Variants in HRH2 observed in about 807,000 individuals in gnomAD.
HRH2 encodes histamine H2 receptor.
HRH2 carries 4 observed loss-of-function variants against 20.1 expected under a neutral mutation model. The ratio of observed to expected loss-of-function variants is 0.20; its 90% CI spans 0.10 to 0.45. HRH2 has a LOEUF of 0.45. HRH2 is among the 20% of genes least tolerant of loss of function. The pLI is 0.99. For synonymous variants in HRH2, 197 were observed against 200.7 expected (o/e 0.98, Z 0.16); for missense variants, 250 against 461.6 (o/e 0.54, Z 4.20).
In HRH2 at chr5:175,683,091, C is replaced by CAAA. The variant is rs35616765; in HGVS notation, c.-124_-122dup. 0.023 allele frequency: 13,371 copies of CAAA among 572,064 alleles called. 78 individuals are homozygous for CAAA. Among genetic ancestry groups the CAAA allele is most frequent in the African/African-American group, 0.1 (3,060 of 30,354 alleles). 35.4% of individuals were successfully genotyped at this position (572,064 alleles called of 1,614,324 possible). A position where few individuals can be genotyped will look rare whatever the true frequency, so the allele number is the denominator to read the frequency against. ...ATTGAAGCCTTCCCCACCCCCTGGC[C>CAAA]AAAAAAAAAAAAAAAAAAAAACTGG... is the stretch of plus-strand genomic sequence containing the variant. On this transcript the variant is annotated 5_prime_UTR_variant, in exon 2 of 3. Transcript: ENST00000636584.
chr5:175,683,844 G>A lies in HRH2; in HGVS notation c.611G>A (p.Arg204His), dbSNP rs766094225. The stretch of plus-strand genomic sequence containing the variant: ...CTGATCATGTGCATCACCTACTACC[G>A]CATCTTCAAGGTCGCCCGGGATCAG... ...PLLIMCITYY[R>H]IFKVARDQAK... The change falls in exon 2 of 3, where the codon CGC (arginine) becomes CAC (histidine). Residue 204 changes from arginine to histidine, a missense_variant. Transcript: ENST00000636584. 6 of 1,614,002 alleles carry A rather than the reference G, an allele frequency of 3.7e-6. No individual in the cohort carries two copies. Among genetic ancestry groups the A allele is most frequent in the East Asian group, 2.2e-5 (1 of 44,874 alleles).
At chr5:175,667,428 G>C (rs992966303) in intron 1 of HRH2, among the ~76,000 whole-genome samples, 2 of 151,514 alleles carry the variant, frequency 1.3e-5, no homozygotes, top group Non-Finnish European at 2.9e-5. Flanking sequence ...TGGGTGACAA[G>C]AGCAAAACTC....
intron 2 of HRH2, among the ~76,000 whole-genome samples, chr5:175,700,405 T>C (rs1756757929): frequency 6.6e-6 from 1 of 152,182 alleles, no homozygotes; most frequent in African/African-American, 2.4e-5. Flanking sequence ...ACAAGGTAGA[T>C]GATGAAAGAT....
chr5:175,704,520 C>A (rs1044748559), intron 2 of HRH2, among the ~76,000 whole-genome samples: 1 of 152,092 alleles, frequency 6.6e-6, no homozygotes, highest in Non-Finnish European at 1.5e-5. Flanking sequence ...TGAGGAAACA[C>A]TAACAAACCA....
At chr5:175,700,110 G>A (rs78223648) in intron 2 of HRH2, among the ~76,000 whole-genome samples, 2,423 of 152,226 alleles carry the variant, frequency 0.016, 67 homozygotes, top group African/African-American at 0.055. Context: ...TCCTGGTTCC[G>A]AATCTCACAC....
At chr5:175,673,127 G>A (rs1006870591) in intron 1 of HRH2, among the ~76,000 whole-genome samples, 14 of 152,152 alleles carry the variant, frequency 9.2e-5, no homozygotes, top group African/African-American at 1.4e-4. Flanking sequence ...TGATTCAAGC[G>A]CCAGCAGCAG....
In HRH2 at chr5:175,687,784, T is replaced by G. The variant is rs1230069354; in HGVS notation, c.1076+3475T>G. On this transcript the variant is annotated intron_variant, in intron 2 of 2. Transcript: ENST00000636584. This position sits in a 1 kb window ranked among gnomAD's most constrained non-coding sequence, Gnocchi z 5.2. ...CAGTGAGCTCCCTAAATTATGAATC[T>G]CAGTGTAGTGCCCCTGCTCAGGACC... Among the ~76,000 whole-genome samples the G allele has an allele frequency of 3.3e-5, 5 of 152,056 alleles. No homozygotes were observed. The highest frequency in any genetic ancestry group is 2.6e-4 in the Admixed American group (4 of 15,272).
At chr5:175,673,231 A>ATGTG (rs1389341620) in intron 1 of HRH2, among the ~76,000 whole-genome samples, 1 of 151,720 alleles carries the variant, frequency 6.6e-6, no homozygotes, top group Non-Finnish European at 1.5e-5. Flanking sequence ...AGGAGAGTAG[A>ATGTG]TGTGTGTGTG....
chr5:175,682,954 C>T lies in HRH2; in HGVS notation c.-280C>T. On this transcript the variant is annotated 5_prime_UTR_variant, in exon 2 of 3. Coordinates refer to ENST00000636584, the MANE Select transcript of HRH2 (RefSeq NM_001367711.1). ...ACCGTCTGAGGACTGGAGTTTGATC[C>T]ATGAACCTGGCTTCGAGGCCTTGCT... 1 of 394,686 alleles carries T rather than the reference C, an allele frequency of 2.5e-6. No individual in the cohort carries two copies. The highest frequency in any genetic ancestry group is 4.3e-5 in the South Asian group (1 of 23,496). The allele number at this position is 394,686 out of a possible 1,614,324, so 24.4% of individuals were successfully genotyped here.
intron 2 of HRH2, among the ~76,000 whole-genome samples, chr5:175,705,341 C>T (rs866480230): frequency 1.3e-5 from 2 of 152,194 alleles, no homozygotes; most frequent in African/African-American, 2.4e-5. Context: ...TCAACTAGCA[C>T]TCAAATACCT....
chr5:175,667,242 G>A (rs895204219), intron 1 of HRH2, among the ~76,000 whole-genome samples: 10 of 152,152 alleles, frequency 6.6e-5, no homozygotes, highest in East Asian at 1.9e-4. Flanking sequence ...TCAGGAGTTC[G>A]CGACCAGTCT....
At position 175,683,623 on chromosome 5, in the gene HRH2, C is replaced by T. The variant is rs142281621; in HGVS notation, c.390C>T (p.Val130=). The change falls in exon 2 of 3, where the codon GTC becomes GTT. Residue 130 remains valine (V), a synonymous_variant. Transcript: ENST00000636584. The part of the protein sequence containing the change: ...VMDPLRYPVL[V]TPVRVAISLV... ...ACCCACTGCGGTACCCTGTGCTGGT[C>T]ACCCCAGTTCGGGTCGCCATCTCTC... 128 of 1,614,110 alleles carry T rather than the reference C, an allele frequency of 7.9e-5. No individual in the cohort carries two copies. The highest frequency in any genetic ancestry group is 1.0e-4 in the Non-Finnish European group (120 of 1,180,056).
At chr5:175,688,342 A>ATTTGGTCC (rs1756243933) in intron 2 of HRH2, among the ~76,000 whole-genome samples, 1 of 152,092 alleles carries the variant, frequency 6.6e-6, no homozygotes, top group Admixed American at 6.5e-5. Flanking sequence ...GCCCGTCCTG[A>ATTTGGTCC]TTTGGTCCCT....
intron 1 of HRH2, among the ~76,000 whole-genome samples, chr5:175,676,910 T>C (rs915433795): frequency 6.6e-6 from 1 of 152,232 alleles, no homozygotes; most frequent in African/African-American, 2.4e-5. Context: ...AAGACAAGAT[T>C]TCATTCTTTT....
At chr5:175,671,788 T>C (rs1755550836) in intron 1 of HRH2, among the ~76,000 whole-genome samples, 1 of 152,210 alleles carries the variant, frequency 6.6e-6, no homozygotes, top group South Asian at 2.1e-4. Flanking sequence ...GGAAAGTGCA[T>C]AAATTGCAAT....
At chr5:175,704,548 A>C (rs539130785) in intron 2 of HRH2, among the ~76,000 whole-genome samples, 48 of 152,218 alleles carry the variant, frequency 3.2e-4, no homozygotes, top group Non-Finnish European at 5.4e-4. Context: ...AATAAGGAGC[A>C]GAGCTGGCCA....
At chr5:175,682,010 A>T (rs931475598) in intron 1 of HRH2, among the ~76,000 whole-genome samples, 1 of 152,232 alleles carries the variant, frequency 6.6e-6, no homozygotes, top group Non-Finnish European at 1.5e-5. Flanking sequence ...AAAAAATCAA[A>T]AAAAGGAGAT....
At chr5:175,696,941 G>A (rs1028211824) in intron 2 of HRH2, among the ~76,000 whole-genome samples, 1 of 152,208 alleles carries the variant, frequency 6.6e-6, no homozygotes, top group Admixed American at 6.5e-5. Flanking sequence ...AGCTCTTAGG[G>A]CTCAGCACAG....
rs1755799366 is a variant in HRH2, at chr5:175,677,509, T to C, written c.-525-5200T>C. On this transcript the variant is annotated intron_variant, in intron 1 of 2. Transcript: ENST00000636584. This position sits in a 1 kb window ranked among gnomAD's most constrained non-coding sequence, Gnocchi z 4.2. ...CTGACTGTCTGGGCTGAAGCCACGTTGGTCCGCAGCTCGTATCGGGGCAGC... is the reference window on the plus strand; with the variant it reads ...CTGACTGTCTGGGCTGAAGCCACGTCGGTCCGCAGCTCGTATCGGGGCAGC... 6.6e-6 allele frequency among the ~76,000 whole-genome samples: 1 copy of C among 152,200 alleles called. No homozygotes were observed. The highest frequency in any genetic ancestry group is 1.5e-5 in the Non-Finnish European group (1 of 68,034).
Sources: allele counts gnomAD v4.1 joint callset (sites outside exome capture counted in the v4.1 genomes callset), GRCh38; gene constraint gnomAD v4.1.1; non-coding constraint Gnocchi (gnomAD v3.1); transcripts MANE v1.5; gene names NCBI Gene and HGNC (gene_info 2026-07-23, HGNC 2026-07-21).